PCDH15: variants seen among roughly 807,000 people sequenced by gnomAD.
The protein encoded by PCDH15 is protocadherin-15.
PCDH15 carries 129 observed loss-of-function variants against 178.5 expected under a neutral mutation model. The observed-to-expected ratio is 0.72, with a 90% CI of 0.63 to 0.84. PCDH15 has a LOEUF of 0.84. Among genes scored for constraint, PCDH15 ranks in the 40% least tolerant of loss-of-function variants. PCDH15 has a pLI of 0.00. For missense variants in PCDH15, 2,230 were observed against 2,099.9 expected, an observed-to-expected ratio of 1.06 and a Z score of -1.21; for synonymous variants, 800 against 732.0, an observed-to-expected ratio of 1.09 and a Z score of -1.50.
chr10:55,310,746 C>G (rs1843565995), intron 1 of PCDH15, among the ~76,000 whole-genome samples: 1 of 152,096 alleles, frequency 6.6e-6, no homozygotes, highest in Admixed American at 6.6e-5. Context: ...AAGCTGGAAG[C>G]CATCATCCAC....
At chr10:55,544,598 T>C (rs1359759222) in intron 2 of PCDH15, among the ~76,000 whole-genome samples, 1 of 152,174 alleles carries the variant, frequency 6.6e-6, no homozygotes, top group Non-Finnish European at 1.5e-5. Context: ...TCTTATTTTG[T>C]ATATGATGGT....
intron 9 of PCDH15, among the ~76,000 whole-genome samples, chr10:54,222,227 T>A (rs1271384772): frequency 1.3e-5 from 2 of 152,200 alleles, no homozygotes; most frequent in South Asian, 2.1e-4. Context: ...TATTAAGAAT[T>A]TTTGGGCAGG....
At chr10:55,430,110 T>C (rs897291472) in intron 2 of PCDH15, among the ~76,000 whole-genome samples, 2 of 152,064 alleles carry the variant, frequency 1.3e-5, no homozygotes, top group Admixed American at 6.6e-5. Flanking sequence ...GGCAACATAG[T>C]GATACCTTAT....
intron 2 of PCDH15, among the ~76,000 whole-genome samples, chr10:54,605,528 C>T (rs188193338): frequency 6.6e-6 from 1 of 152,102 alleles, no homozygotes; most frequent in Admixed American, 6.6e-5. Flanking sequence ...GGTTCCCTAA[C>T]ACATAACAAG....
intron 25 of PCDH15, among the ~76,000 whole-genome samples, chr10:53,920,506 C>T (rs1027332003): frequency 7.3e-5 from 11 of 151,642 alleles, no homozygotes; most frequent in African/African-American, 1.7e-4. Context: ...TTCTTCTTTT[C>T]GTATTTTATT....
intron 2 of PCDH15, among the ~76,000 whole-genome samples, chr10:55,150,285 G>A (rs1838672578): frequency 6.6e-6 from 1 of 152,048 alleles, no homozygotes; most frequent in South Asian, 2.1e-4. Flanking sequence ...AACAATGTCA[G>A]TTACTGAAAA....
At chr10:55,117,721 T>A (rs1294285846) in intron 2 of PCDH15, among the ~76,000 whole-genome samples, 3 of 151,926 alleles carry the variant, frequency 2.0e-5, no homozygotes, top group African/African-American at 7.3e-5. Flanking sequence ...GGCAAGAAAA[T>A]CTAAAATTCA....
rs567880221 is a variant in PCDH15 at position 54,061,525 on chromosome 10, C to CT, written c.2220+5231dup. ...TTTTTTTGGCTGGTATTTTTATTTC[C>CT]TTTTTTTTTTAAATTTCCAACAAAG... On this transcript the variant is annotated intron_variant, in intron 18 of 37. Transcript: ENST00000644397. 1.0e-3 allele frequency among the ~76,000 whole-genome samples: 151 copies of CT among 147,920 alleles called. 1 individual carries two copies. Among genetic ancestry groups the CT allele is most frequent in the Middle Eastern group, 3.5e-3 (1 of 286 alleles).
intron 2 of PCDH15, among the ~76,000 whole-genome samples, chr10:55,073,535 A>G (rs1485376294): frequency 6.6e-6 from 1 of 152,102 alleles, no homozygotes; most frequent in Non-Finnish European, 1.5e-5. Context: ...TAGGAATCCA[A>G]CTTACAAGGG....
At chr10:55,540,386 T>C (rs759278950) in intron 2 of PCDH15, among the ~76,000 whole-genome samples, 10 of 151,990 alleles carry the variant, frequency 6.6e-5, no homozygotes, top group Non-Finnish European at 1.0e-4. Context: ...TGAGGCATAC[T>C]GAGAAATAGA....
At chr10:54,423,480 G>A (rs572711906) in intron 3 of PCDH15, among the ~76,000 whole-genome samples, 1 of 151,838 alleles carries the variant, frequency 6.6e-6, no homozygotes, top group Non-Finnish European at 1.5e-5. Flanking sequence ...AGAAGAGTTG[G>A]ATTGGAGTGG....
At chr10:55,069,347 T>C (rs1841659437) in intron 2 of PCDH15, among the ~76,000 whole-genome samples, 1 of 149,610 alleles carries the variant, frequency 6.7e-6, no homozygotes, top group Non-Finnish European at 1.5e-5. Context: ...TACATATGTA[T>C]ACATGTGCCA....
intron 2 of PCDH15, among the ~76,000 whole-genome samples, chr10:55,114,713 A>G (rs1343352686): frequency 2.6e-5 from 4 of 152,222 alleles, no homozygotes; most frequent in Admixed American, 2.0e-4. Context: ...ACACAAACCT[A>G]GGAAATGAAA....
At chr10:53,982,425 G>T (rs1270315629) in intron 21 of PCDH15, among the ~76,000 whole-genome samples, 1 of 151,998 alleles carries the variant, frequency 6.6e-6, no homozygotes, top group African/African-American at 2.4e-5. Flanking sequence ...CAACCCAAAT[G>T]TCCAACAATG....
At position 55,475,782 on chromosome 10, in the gene PCDH15, C is replaced by A. The variant is rs1230157310; in HGVS notation, c.-156+151843G>T. Among the ~76,000 whole-genome samples the A allele has an allele frequency of 2.6e-5, 4 of 152,038 alleles. No individual in the cohort carries two copies. In the East Asian group the frequency reaches 7.7e-4, roughly 29 times the overall value. ...AAATTCAAAACACTTTGGTCCCAAG[C>A]CTTTTGGATAAGTGATACACAACCT... On this transcript the variant is annotated intron_variant, in intron 2 of 5. Transcript: ENST00000613346.
intron 1 of PCDH15, among the ~76,000 whole-genome samples, chr10:54,768,753 A>G: frequency 6.6e-6 from 1 of 152,082 alleles, no homozygotes; most frequent in African/African-American, 2.4e-5. Flanking sequence ...ATGAAACCCA[A>G]GTGCCTTACA....
At chr10:55,537,930 T>C (rs956753047) in intron 2 of PCDH15, among the ~76,000 whole-genome samples, 1 of 152,206 alleles carries the variant, frequency 6.6e-6, no homozygotes, top group Non-Finnish European at 1.5e-5. Flanking sequence ...AATTCTAGCT[T>C]TAAATATAAT....
At chr10:53,968,941 C>T (rs943371791) in intron 21 of PCDH15, among the ~76,000 whole-genome samples, 1 of 152,142 alleles carries the variant, frequency 6.6e-6, no homozygotes, top group African/African-American at 2.4e-5. Flanking sequence ...AATCAGAGCA[C>T]CTCTTCTCCT....
intron 2 of PCDH15, among the ~76,000 whole-genome samples, chr10:55,063,581 A>AT (rs1162879601): frequency 6.6e-6 from 1 of 152,104 alleles, no homozygotes; most frequent in Non-Finnish European, 1.5e-5. Flanking sequence ...TTTTTTCTGT[A>AT]TATGTGTGCA....
Sources: gnomAD v4.1 joint callset for allele counts (sites outside exome capture counted in the v4.1 genomes callset) on GRCh38, gnomAD v4.1.1 for gene constraint, MANE v1.5 for transcripts, NCBI Gene and HGNC (gene_info 2026-07-23, HGNC 2026-07-21) for gene names.